LNPK: variants seen among roughly 807,000 people sequenced by gnomAD.
LNPK encodes endoplasmic reticulum junction formation protein lunapark.
In LNPK, 29 loss-of-function variants were observed where a neutral mutation model predicts 55.2. The observed-to-expected ratio is 0.53, with a 90% CI of 0.39 to 0.72. The LOEUF (loss-of-function observed/expected upper bound fraction) is 0.72. LNPK is among the 30% of genes least tolerant of loss of function. The probability of loss-of-function intolerance (pLI) is 0.00; values close to 1 mark genes in which losing one functional copy is unlikely to be tolerated. For missense variants in LNPK, 467 were observed against 494.8 expected, an observed-to-expected ratio of 0.94 and a Z score of 0.53; for synonymous variants, 162 against 168.2, an observed-to-expected ratio of 0.96 and a Z score of 0.29.
intron 8 of LNPK, among the ~76,000 whole-genome samples, chr2:175,959,618 T>C (rs1685900552): frequency 6.6e-6 from 1 of 152,134 alleles, no homozygotes; most frequent in South Asian, 2.1e-4. Flanking sequence ...TGCCAAATTG[T>C]AAAGACTATT....
chr2:175,964,235 T>C (rs971326125), intron 8 of LNPK, 137 bp downstream of exon 8: 1 of 615,114 alleles, frequency 1.6e-6, no homozygotes, highest in South Asian at 2.3e-5. Flanking sequence ...CCCTAAGTCA[T>C]ATCCCAAATT....
At chr2:175,931,846 G>A (rs746710385) in intron 12 of LNPK, among the ~76,000 whole-genome samples, 7 of 152,078 alleles carry the variant, frequency 4.6e-5, no homozygotes, top group Non-Finnish European at 1.0e-4. Context: ...CTGCTACAAG[G>A]GCAAACAAGT....
chr2:175,983,607 G>C (rs1357132473), intron 4 of LNPK, among the ~76,000 whole-genome samples: 1 of 152,082 alleles, frequency 6.6e-6, no homozygotes, highest in Non-Finnish European at 1.5e-5. Flanking sequence ...CCTTCACACT[G>C]TAACACCAGA....
chr2:175,968,194 T>C (rs533561985), intron 6 of LNPK, among the ~76,000 whole-genome samples: 26 of 152,336 alleles, frequency 1.7e-4, no homozygotes, highest in African/African-American at 6.3e-4. Flanking sequence ...TGCCTTCAGC[T>C]GACATTAGTG....
upstream of LNPK, chr2:176,002,350 C>T (rs1688204884): frequency 3.9e-5 from 16 of 410,460 alleles, no homozygotes; most frequent in South Asian, 2.8e-4. Context: ...GCCGCTCCCC[C>T]GTCACGTGAC....
chr2:175,994,066 A>G, intron 2 of LNPK: 4 of 450,568 alleles, frequency 8.9e-6, no homozygotes, highest in Non-Finnish European at 1.2e-5. Flanking sequence ...TTTGCCAATG[A>G]TATTTTTTAT....
In LNPK at chr2:175,947,609, C is replaced by G. The variant is rs943604743; in HGVS notation, c.577G>C (p.Val193Leu). 5.6e-6 allele frequency: 9 copies of G among 1,613,868 alleles called. No homozygotes were observed. The highest frequency in any genetic ancestry group is 7.6e-6 in the Non-Finnish European group (9 of 1,179,966). Residue 193 changes from valine to leucine, a missense_variant, in exon 9 of 13, where the codon GTA becomes CTA. Transcript: ENST00000272748. ...PNQGPPPQVP[V>L]SPGPPKDSSA... ...CTGTCCTTTGGTGGTCCAGGAGATA[C>G]TGGAACTTGTGGAGGAGGGCCCTGG...
intron 1 of LNPK, among the ~76,000 whole-genome samples, chr2:176,001,673 T>C (rs1176931881): frequency 6.6e-6 from 1 of 152,120 alleles, no homozygotes; most frequent in African/African-American, 2.4e-5. Context: ...CAGTCCCTTC[T>C]GGTCTTTCTA....
chr2:175,998,843 T>A (rs898269113), intron 1 of LNPK, among the ~76,000 whole-genome samples: 1 of 152,220 alleles, frequency 6.6e-6, no homozygotes, highest in Non-Finnish European at 1.5e-5. Flanking sequence ...AGCACAGCCT[T>A]TATTTGTTTA....
chr2:175,970,790 C>T lies in LNPK; in HGVS notation c.331G>A (p.Asp111Asn), dbSNP rs764226218. ...RTERNNEALD[D>N]LKSQRKKILE... ...ATTTTTTTCCTCTGGGATTTTAAAT[C>T]ATCCAATGCTTCATCTAGAAAGCAA... Residue 111 changes from aspartate (D) to asparagine (N), a missense_variant, in exon 6 of 13, where the codon GAT becomes AAT. Transcript: ENST00000272748. The T allele has an allele frequency of 2.1e-6, 3 of 1,404,034 alleles. No individual in the cohort carries two copies. The highest frequency in any genetic ancestry group is 2.9e-6 in the Non-Finnish European group (3 of 1,051,026). The allele number at this position is 1,404,034 out of a possible 1,614,324, so 87.0% of individuals were successfully genotyped here. A position where few individuals can be genotyped will look rare whatever the true frequency, so the allele number is the denominator to read the frequency against.
chr2:175,949,124 T>C (rs549343833), intron 8 of LNPK, among the ~76,000 whole-genome samples: 1 of 152,144 alleles, frequency 6.6e-6, no homozygotes, highest in Admixed American at 6.5e-5. Context: ...TTCCATTGGT[T>C]CACAATTTAG....
intron 4 of LNPK, 64 bp downstream of exon 4, chr2:175,992,167 A>T: frequency 1.0e-6 from 1 of 986,446 alleles, no homozygotes; most frequent in Non-Finnish European, 1.5e-6. Context: ...TATACATATT[A>T]GATATACATT....
chr2:175,980,568 A>G (rs769732924), intron 4 of LNPK, among the ~76,000 whole-genome samples: 1 of 152,198 alleles, frequency 6.6e-6, no homozygotes, highest in Non-Finnish European at 1.5e-5. Flanking sequence ...CCTAAATTCA[A>G]TGTAAACATA....
rs1229925096 is a variant in LNPK, at chr2:175,970,765, AT to A, written c.355del (p.Ile119TyrfsTer16). On this transcript the variant is annotated frameshift_variant and splice_region_variant, in exon 6 of 13. Coordinates refer to ENST00000272748, the MANE Select transcript of LNPK (RefSeq NM_030650.3). LOFTEE classifies it high-confidence loss of function. ...LDDLKSQRKK[I>X]LEEVMEKETY... Reference sequence around the variant, plus strand: ...AATTTTAAATAAAAGTTAACTTACTATTTTTTTCCTCTGGGATTTTAAATCA... The same window carrying A: ...AATTTTAAATAAAAGTTAACTTACTATTTTTTCCTCTGGGATTTTAAATCA... 6.7e-6 allele frequency: 9 copies of A among 1,352,794 alleles called. No individual in the cohort carries two copies. The highest frequency in any genetic ancestry group is 3.1e-5 in the South Asian group (2 of 64,664). 83.8% of individuals were successfully genotyped at this position (1,352,794 alleles called of 1,614,324 possible).
intron 12 of LNPK, among the ~76,000 whole-genome samples, chr2:175,936,990 C>T (rs181190836): frequency 1.3e-5 from 2 of 152,188 alleles, no homozygotes; most frequent in Admixed American, 1.3e-4. Context: ...TGTATTTTAT[C>T]CTTTGAACAG....
At chr2:175,953,236 G>C (rs1232007065) in intron 8 of LNPK, among the ~76,000 whole-genome samples, 2 of 151,884 alleles carry the variant, frequency 1.3e-5, no homozygotes, top group South Asian at 2.1e-4. Flanking sequence ...GTTCCCTGTA[G>C]TTCTGTCTTA....
chr2:175,953,399 A>C (rs1685515278), intron 8 of LNPK, among the ~76,000 whole-genome samples: 1 of 152,044 alleles, frequency 6.6e-6, no homozygotes, highest in African/African-American at 2.4e-5. Context: ...CTACCTATGA[A>C]CCTCAGCATC....
At chr2:176,001,032 TC>T (rs1422370864) in intron 1 of LNPK, among the ~76,000 whole-genome samples, 11 of 152,344 alleles carry the variant, frequency 7.2e-5, no homozygotes, top group African/African-American at 2.6e-4. Context: ...TCTTGTATTT[TC>T]TTGTTTATAT....
chr2:175,994,180 T>TGTA, intron 2 of LNPK: 1 of 982,004 alleles, frequency 1.0e-6, no homozygotes, highest in Non-Finnish European at 1.2e-6. Flanking sequence ...ATCAGTTCAT[T>TGTA]GTAGTTTCCA....
Sources: gnomAD v4.1 joint callset for allele counts (sites outside exome capture counted in the v4.1 genomes callset) on GRCh38, gnomAD v4.1.1 for gene constraint, MANE v1.5 for transcripts, NCBI Gene and HGNC (gene_info 2026-07-23, HGNC 2026-07-21) for gene names.